Variants in CLASP2 observed in about 807,000 individuals in gnomAD.
CLASP2 encodes cytoplasmic linker associated protein 2.
CLASP2 carries 47 observed loss-of-function variants against 194.4 expected under a neutral mutation model. The ratio of observed to expected loss-of-function variants is 0.24; its 90% CI spans 0.19 to 0.31. The LOEUF is 0.31. CLASP2 is among the 10% of genes least tolerant of loss of function. The pLI is 1.00. For missense variants in CLASP2, 1,445 were observed against 1,823.6 expected (o/e 0.79, Z 3.78); for synonymous variants, 619 against 633.5 (o/e 0.98, Z 0.34).
chr3:33,658,744 A>G (rs901096428), intron 7 of CLASP2, among the ~76,000 whole-genome samples: 1 of 152,170 alleles, frequency 6.6e-6, no homozygotes, highest in African/African-American at 2.4e-5. Context: ...GTTGCAAGGT[A>G]AATTGTCACC....
intron 38 of CLASP2, 31 bp downstream of exon 38, chr3:33,501,618 GCCA>G: frequency 7.7e-7 from 1 of 1,295,854 alleles, no homozygotes; most frequent in Non-Finnish European, 1.1e-6. Context: ...ATGTACTATG[GCCA>G]CCATCTCTAA....
intron 34 of CLASP2, among the ~76,000 whole-genome samples, chr3:33,529,145 T>G (rs1430425564): frequency 6.6e-6 from 1 of 152,106 alleles, no homozygotes; most frequent in African/African-American, 2.4e-5. Context: ...CAATGAGAAT[T>G]ACAAAACACT....
intron 8 of CLASP2, among the ~76,000 whole-genome samples, chr3:33,644,198 A>T (rs150271622): frequency 6.6e-6 from 1 of 152,262 alleles, no homozygotes; most frequent in African/African-American, 2.4e-5. Flanking sequence ...TGAATTATAA[A>T]ATTGCATGAA....
intron 34 of CLASP2, among the ~76,000 whole-genome samples, chr3:33,527,354 G>C (rs1454725673): frequency 6.6e-6 from 1 of 152,030 alleles, no homozygotes; most frequent in African/African-American, 2.4e-5. Flanking sequence ...ATATAAACTA[G>C]AAAACCTAGA....
At chr3:33,512,820 T>G (rs998638654) in intron 36 of CLASP2, among the ~76,000 whole-genome samples, 3 of 151,506 alleles carry the variant, frequency 2.0e-5, no homozygotes, top group Admixed American at 6.6e-5. Context: ...AAACCCTGTC[T>G]CCACTAAAAA....
At chr3:33,693,851 A>T in intron 2 of CLASP2, among the ~76,000 whole-genome samples, 1 of 152,146 alleles carries the variant, frequency 6.6e-6, no homozygotes, top group East Asian at 1.9e-4. Context: ...AGGAGATTAA[A>T]AGGAAAAACT....
In CLASP2 at chr3:33,611,871, A is replaced by G. The variant is rs1008935395; in HGVS notation, c.1388+130T>C. ...TACATGAGATATGATTAAAAAAACA[A>G]AACAAAACACTTTTTTATGGTTTTC... On this transcript the variant is annotated intron_variant, in intron 13 of 38. Coordinates refer to ENST00000682230, the MANE Select transcript of CLASP2 (RefSeq NM_001365631.1). The G allele has an allele frequency of 9.1e-6, 6 of 657,942 alleles. No individual in the cohort carries two copies. In the Admixed American group the frequency reaches 1.4e-4, roughly 16 times the overall value. 40.8% of individuals were successfully genotyped at this position (657,942 alleles called of 1,614,324 possible).
At chr3:33,576,358 AGGGG>A in intron 23 of CLASP2, 83 bp from the exon 24 acceptor site, 1 of 1,005,052 alleles carries the variant, frequency 9.9e-7, no homozygotes, top group Non-Finnish European at 1.5e-6. Flanking sequence ...AGACCTTTAC[AGGGG>A]AAGGAAAAAA....
intron 6 of CLASP2, among the ~76,000 whole-genome samples, chr3:33,677,352 C>T (rs376884367): frequency 4.0e-5 from 6 of 150,872 alleles, no homozygotes; most frequent in South Asian, 4.2e-4. Flanking sequence ...GGCACATATA[C>T]ACCATGGAAT....
At chr3:33,711,501 C>CGGCCCA (rs1368324339) in intron 1 of CLASP2, among the ~76,000 whole-genome samples, 1 of 151,046 alleles carries the variant, frequency 6.6e-6, no homozygotes, top group Non-Finnish European at 1.5e-5. Flanking sequence ...CTCAGGTGAT[C>CGGCCCA]GGCCCACTTC....
At chr3:33,644,553 A>G (rs1472990600) in intron 8 of CLASP2, 2 of 623,490 alleles carry the variant, frequency 3.2e-6, no homozygotes, top group African/African-American at 3.7e-5. Flanking sequence ...AGACTAATTC[A>G]CATACATTCT....
intron 6 of CLASP2, among the ~76,000 whole-genome samples, chr3:33,682,072 C>G (rs760584070): frequency 6.6e-6 from 1 of 152,112 alleles, no homozygotes; most frequent in Non-Finnish European, 1.5e-5. Flanking sequence ...AATGCTGGCA[C>G]GGTGCTTCTT....
chr3:33,516,131 T>C lies in CLASP2; in HGVS notation c.4002A>G (p.Ala1334=), dbSNP rs528506219. The C allele has an allele frequency of 8.7e-6, 14 of 1,608,958 alleles. No homozygotes were observed. In the East Asian group the frequency reaches 2.0e-4, roughly 23 times the overall value. Residue 1334 remains alanine (A), a synonymous_variant, in exon 36 of 39, where the codon GCA becomes GCG. Coordinates refer to ENST00000682230, the MANE Select transcript of CLASP2 (RefSeq NM_001365631.1). ...TTAGGATTTCTCTTAAAACCTTTAA[T>C]GCCAAAGCCCTGATTGTAGGCTAAG... ...GDKEPTIRAL[A]LKVLREILRH... is the part of the protein sequence containing the mutation.
chr3:33,542,093 T>C (rs901442434), intron 32 of CLASP2, among the ~76,000 whole-genome samples: 2 of 152,164 alleles, frequency 1.3e-5, no homozygotes, highest in Non-Finnish European at 2.9e-5. Flanking sequence ...TGATCAGTGA[T>C]GCTGAACTTC....
chr3:33,630,251 G>A (rs779473610), intron 9 of CLASP2, among the ~76,000 whole-genome samples: 45 of 151,962 alleles, frequency 3.0e-4, no homozygotes, highest in Non-Finnish European at 6.2e-4. Flanking sequence ...AATAACCCTC[G>A]GCATATGTAC....
At chr3:33,499,639 G>A (rs1447592579) in intron 38 of CLASP2, among the ~76,000 whole-genome samples, 1 of 151,572 alleles carries the variant, frequency 6.6e-6, no homozygotes, top group Non-Finnish European at 1.5e-5. Flanking sequence ...GTGAGCCATC[G>A]TACCTGGCCT....
At chr3:33,559,692 C>T (rs959089443) in intron 28 of CLASP2, among the ~76,000 whole-genome samples, 20 of 151,996 alleles carry the variant, frequency 1.3e-4, no homozygotes, top group African/African-American at 4.6e-4. Flanking sequence ...GTCAGGAGTT[C>T]GAGACCAGCG....
chr3:33,554,225 CAAA>C (rs58168943), intron 29 of CLASP2, among the ~76,000 whole-genome samples: 3 of 88,932 alleles, frequency 3.4e-5, no homozygotes, highest in African/African-American at 1.4e-4. Context: ...GAAACTGTCT[CAAA>C]AAAAAAAAAA....
At chr3:33,561,092 G>C (rs2061725010) in intron 27 of CLASP2, 121 bp from the exon 28 acceptor site, 1 of 798,172 alleles carries the variant, frequency 1.3e-6, no homozygotes, top group Non-Finnish European at 2.0e-6. Flanking sequence ...TGGCAGCCAA[G>C]CGGAAAAACA....
Sources: gnomAD v4.1 joint callset for allele counts (sites outside exome capture counted in the v4.1 genomes callset) on GRCh38, gnomAD v4.1.1 for gene constraint, MANE v1.5 for transcripts, NCBI Gene and HGNC (gene_info 2026-07-23, HGNC 2026-07-21) for gene names.